SEPTIN14: variants seen among roughly 807,000 people sequenced by gnomAD.
SEPTIN14 encodes the protein septin 14.
A neutral mutation model predicts 53.6 loss-of-function variants in SEPTIN14; 40 were observed. The ratio of observed to expected loss-of-function variants is 0.75; its 90% CI spans 0.58 to 0.97. The LOEUF (loss-of-function observed/expected upper bound fraction) is 0.97. Ranked by LOEUF, SEPTIN14 falls within the 50% of genes least tolerant of loss-of-function variation. SEPTIN14 has a pLI of 0.00. For missense variants in SEPTIN14, 471 were observed against 508.2 expected (o/e 0.93, Z 0.70); for synonymous variants, 138 against 166.8 (o/e 0.83, Z 1.33).
intron 2 of SEPTIN14, among the ~76,000 whole-genome samples, chr7:55,849,474 G>A (rs1363781362): frequency 6.6e-6 from 1 of 152,050 alleles, no homozygotes; most frequent in African/African-American, 2.4e-5. Flanking sequence ...AGCCAGGCAT[G>A]GTGGCTCATG....
At chr7:55,827,893 C>G (rs1480015140) in intron 6 of SEPTIN14, among the ~76,000 whole-genome samples, 1 of 152,124 alleles carries the variant, frequency 6.6e-6, no homozygotes, top group Non-Finnish European at 1.5e-5. Context: ...GCCAAAGCCC[C>G]CTACCCAATA....
intron 6 of SEPTIN14, among the ~76,000 whole-genome samples, chr7:55,819,655 A>C (rs1788860070): frequency 6.6e-6 from 1 of 152,176 alleles, no homozygotes; most frequent in Non-Finnish European, 1.5e-5. Context: ...TCTACCCTGC[A>C]TCTCATTTTA....
At chr7:55,797,916 A>C (rs548519376) in intron 9 of SEPTIN14, 66 of 153,604 alleles carry the variant, frequency 4.3e-4, no homozygotes, top group East Asian at 3.0e-3. Context: ...ACAACAACAA[A>C]AAACTTGAGG....
At chr7:55,852,176 T>G in intron 2 of SEPTIN14, among the ~76,000 whole-genome samples, 1 of 147,486 alleles carries the variant, frequency 6.8e-6, no homozygotes. Context: ...AAAAAAGAAA[T>G]AGAAAAAATA....
intron 9 of SEPTIN14, among the ~76,000 whole-genome samples, chr7:55,799,490 C>A (rs2115948541): frequency 7.1e-6 from 1 of 140,916 alleles, no homozygotes; most frequent in South Asian, 2.2e-4. Flanking sequence ...TGTACTCCAG[C>A]CTAGGTGACA....
At chr7:55,839,817 T>C (rs1789276359) in intron 5 of SEPTIN14, among the ~76,000 whole-genome samples, 1 of 152,056 alleles carries the variant, frequency 6.6e-6, no homozygotes, top group Non-Finnish European at 1.5e-5. Flanking sequence ...GAATGTGACC[T>C]CAACTGAGAT....
chr7:55,810,378 AG>A (rs1788679815), intron 7 of SEPTIN14, among the ~76,000 whole-genome samples: 1 of 151,942 alleles, frequency 6.6e-6, no homozygotes, highest in African/African-American at 2.4e-5. Flanking sequence ...GCCCCTTATC[AG>A]ATGTATAAGT....
chr7:55,852,410 C>T (rs568838852), intron 2 of SEPTIN14, among the ~76,000 whole-genome samples: 11 of 152,076 alleles, frequency 7.2e-5, no homozygotes, highest in East Asian at 3.9e-4. Flanking sequence ...TCATTTTTGA[C>T]GAAGGTGCTA....
intron 8 of SEPTIN14, among the ~76,000 whole-genome samples, chr7:55,806,623 C>T (rs532269416): frequency 4.6e-5 from 7 of 151,898 alleles, no homozygotes; most frequent in South Asian, 2.1e-4. Flanking sequence ...CCACCATGCC[C>T]GGCTACTTTT....
At chr7:55,797,280 G>T (rs1323857553) in intron 9 of SEPTIN14, among the ~76,000 whole-genome samples, 2 of 152,262 alleles carry the variant, frequency 1.3e-5, no homozygotes, top group Non-Finnish European at 1.5e-5. Flanking sequence ...TCATGGGAAA[G>T]ATTTAGACAT....
At chr7:55,804,272 T>C (rs1405894033) in intron 9 of SEPTIN14, among the ~76,000 whole-genome samples, 1 of 151,274 alleles carries the variant, frequency 6.6e-6, no homozygotes, top group Non-Finnish European at 1.5e-5. Context: ...TTTTTGTTTT[T>C]TTTTTTTGAG....
At chr7:55,839,300 A>G (rs1458909033) in intron 5 of SEPTIN14, among the ~76,000 whole-genome samples, 2 of 151,866 alleles carry the variant, frequency 1.3e-5, no homozygotes, top group Admixed American at 1.3e-4. Context: ...GAGGCAGGAG[A>G]ATCACTTGAA....
Position 55,835,800 on chromosome 7 carries a change from T to C in SEPTIN14, c.559-1214A>G, listed in dbSNP as rs889017540. On this transcript the variant is annotated intron_variant, in intron 5 of 9. Coordinates refer to ENST00000388975, the MANE Select transcript of SEPTIN14 (RefSeq NM_207366.3). ...CTCTGTCGCCCAGGCTGGAGTGCAA[T>C]GGCGCAATCTAGGCTCAGGGCAACG... is the stretch of plus-strand genomic sequence containing the variant. Among the ~76,000 whole-genome samples the C allele has an allele frequency of 3.9e-5, 6 of 152,282 alleles. No individual in the cohort carries two copies. The East Asian group carries it at 1.2e-3, about 29-fold the overall frequency.
At chr7:55,829,670 C>G (rs1055054307) in intron 6 of SEPTIN14, among the ~76,000 whole-genome samples, 40 of 151,694 alleles carry the variant, frequency 2.6e-4, no homozygotes, top group African/African-American at 9.2e-4. Context: ...CCACCCAGAG[C>G]AGCTTGGAGG....
chr7:55,836,220 T>C (rs983786048), intron 5 of SEPTIN14, among the ~76,000 whole-genome samples: 1 of 152,222 alleles, frequency 6.6e-6, no homozygotes, highest in African/African-American at 2.4e-5. Flanking sequence ...AGTTTTTTCC[T>C]AGTGCTTCAA....
intron 5 of SEPTIN14, among the ~76,000 whole-genome samples, chr7:55,839,720 G>C (rs1004371822): frequency 2.0e-5 from 3 of 152,162 alleles, no homozygotes; most frequent in Admixed American, 2.0e-4. Context: ...TGGGAGGTAA[G>C]TCAAGGTTGA....
At chr7:55,819,288 A>T (rs1788850454) in intron 6 of SEPTIN14, 65 bp from the exon 7 acceptor site, 5 of 1,163,960 alleles carry the variant, frequency 4.3e-6, no homozygotes, top group Admixed American at 4.1e-5. Context: ...TATTACTCTC[A>T]TTCCTGTTAT....
chr7:55,834,679 G>T (rs1789172266), intron 5 of SEPTIN14, 93 bp from the exon 6 acceptor site: 2 of 1,050,106 alleles, frequency 1.9e-6, no homozygotes, highest in Non-Finnish European at 2.7e-6. Context: ...GTCTCGCTTT[G>T]TCGCCCAGGC....
chr7:55,834,091 A>G (rs1789160770), intron 6 of SEPTIN14, among the ~76,000 whole-genome samples: 1 of 152,340 alleles, frequency 6.6e-6, no homozygotes, highest in East Asian at 1.9e-4. Context: ...AGATTACTTC[A>G]TGGGTAAATT....
Sources: allele counts gnomAD v4.1 joint callset (sites outside exome capture counted in the v4.1 genomes callset), GRCh38; gene constraint gnomAD v4.1.1; transcripts MANE v1.5; gene names NCBI Gene and HGNC (gene_info 2026-07-23, HGNC 2026-07-21).